Variants in UGT1A3 observed in about 807,000 individuals in gnomAD.
UGT1A3 encodes UDP glucuronosyltransferase family 1 member A3.
Under a neutral mutation model 41.0 loss-of-function variants are expected in UGT1A3, and 31 were observed. The observed-to-expected ratio is 0.76, with a 90% CI of 0.57 to 1.02. The LOEUF (loss-of-function observed/expected upper bound fraction) is 1.02. Ranked by LOEUF, UGT1A3 falls within the 50% of genes least tolerant of loss-of-function variation. The pLI is 0.00. For synonymous variants in UGT1A3, 262 were observed against 257.6 expected, an observed-to-expected ratio of 1.02 and a Z score of -0.17; for missense variants, 737 against 671.0, an observed-to-expected ratio of 1.10 and a Z score of -1.09.
intron 2 of UGT1A3, 82 bp from the exon 3 acceptor site, chr2:233,767,765 CCT>C (rs1699477727): frequency 9.3e-6 from 15 of 1,608,904 alleles, no homozygotes; most frequent in Admixed American, 1.7e-5. Context: ...TCAGAGGACC[CCT>C]GTTTTCTAGT....
chr2:233,730,859 C>T (rs532557812), intron 1 of UGT1A3, among the ~76,000 whole-genome samples: 75 of 152,214 alleles, frequency 4.9e-4, no homozygotes, highest in African/African-American at 1.5e-3. Context: ...CCAAACCCAC[C>T]CTACTGCACT....
At chr2:233,768,744 G>A (rs903121977) in intron 4 of UGT1A3, among the ~76,000 whole-genome samples, 12 of 151,626 alleles carry the variant, frequency 7.9e-5, no homozygotes, top group African/African-American at 2.4e-4. Context: ...CACCACGCCC[G>A]GTTAATTTTT....
intron 1 of UGT1A3, chr2:233,743,865 C>T (rs988813505): frequency 2.0e-5 from 27 of 1,367,074 alleles, no homozygotes; most frequent in Non-Finnish European, 2.5e-5. Flanking sequence ...TTCTTGATGG[C>T]CTCGGATGAG....
rs774438667 is a variant in UGT1A3 at position 233,767,136 on chromosome 2, G to T, written c.970G>T (p.Ala324Ser). 3.1e-6 allele frequency: 5 copies of T among 1,614,110 alleles called. No individual in the cohort carries two copies. Among genetic ancestry groups the T allele is most frequent in the Admixed American group, 1.7e-5 (1 of 60,022 alleles). The stretch of plus-strand genomic sequence containing the variant: ...TCCAGAGAAGAAAGCTATGGCAATT[G>T]CTGATGCTTTGGGCAAAATCCCTCA... The part of the protein sequence containing the change: ...EIPEKKAMAI[A>S]DALGKIPQTV... Residue 324 changes from alanine to serine, a missense_variant, in exon 2 of 5, where the codon GCT (alanine) becomes TCT (serine). By Grantham distance (99) the Ala-to-Ser change is moderately conservative. Coordinates refer to ENST00000482026, the MANE Select transcript of UGT1A3 (RefSeq NM_019093.4).
chr2:233,730,105 C>G, intron 1 of UGT1A3, 112 bp downstream of exon 1: 1 of 1,574,650 alleles, frequency 6.4e-7, no homozygotes, highest in Non-Finnish European at 8.6e-7. Context: ...TATTTCATTT[C>G]TGCTTCTCCT....
chr2:233,743,634 C>G lies in UGT1A3; in HGVS notation c.867+13641C>G, dbSNP rs776464072. On this transcript the variant is annotated intron_variant, in intron 1 of 4. Coordinates refer to ENST00000482026, the MANE Select transcript of UGT1A3 (RefSeq NM_019093.4). ...AACTCCCTGAAGACGTCGGCTGGGT[C>G]GCGGAAGCTGAAGACGTACTCGAAG... is the stretch of plus-strand genomic sequence containing the variant. 14 of 1,367,180 alleles carry G rather than the reference C, an allele frequency of 1.0e-5. No individual in the cohort carries two copies. In the South Asian group the frequency reaches 1.5e-4, roughly 14 times the overall value. 84.7% of individuals were successfully genotyped at this position (1,367,180 alleles called of 1,614,324 possible).
chr2:233,747,487 T>A lies in UGT1A3; in HGVS notation c.867+17494T>A, dbSNP rs547060406. 1.9e-5 allele frequency: 31 copies of A among 1,608,702 alleles called. 1 individual carries two copies. In the South Asian group the frequency reaches 2.7e-4, roughly 14 times the overall value. On this transcript the variant is annotated intron_variant, in intron 1 of 4. Transcript: ENST00000482026. ...TGGACCCAGGATGAATTTGATCGCC[T>A]TGTGCTGGGCCACACTCAACTGTAC...
chr2:233,743,932 C>T (rs927230635), intron 1 of UGT1A3: 9 of 1,358,952 alleles, frequency 6.6e-6, no homozygotes, highest in African/African-American at 5.9e-5. Flanking sequence ...ATGGCCAGAA[C>T]GGCCCACCAG....
chr2:233,758,786 G>T (rs1696976610), intron 1 of UGT1A3, among the ~76,000 whole-genome samples: 1 of 152,212 alleles, frequency 6.6e-6, no homozygotes, highest in Admixed American at 6.5e-5. Context: ...GATCTGTGCA[G>T]TTATCTTGGA....
intron 1 of UGT1A3, chr2:233,761,003 A>G: frequency 6.2e-7 from 1 of 1,614,128 alleles, no homozygotes. Context: ...GAATTCCTTC[A>G]GAGAGAGGTG....
At chr2:233,747,527 T>G (rs1237082221) in intron 1 of UGT1A3, 2 of 1,605,936 alleles carry the variant, frequency 1.2e-6, no homozygotes, top group African/African-American at 1.3e-5. Context: ...AAACAGAACA[T>G]TTTCTGAAGA....
chr2:233,733,677 AC>A, intron 1 of UGT1A3, among the ~76,000 whole-genome samples: 1 of 152,244 alleles, frequency 6.6e-6, no homozygotes, highest in South Asian at 2.1e-4. Context: ...ATGTGGATAA[AC>A]TTTTTGATGT....
Position 233,768,283 on chromosome 2 carries a change from G to T in UGT1A3, c.1151G>T (p.Cys384Phe). 6.2e-7 allele frequency: 1 copy of T among 1,614,180 alleles called. No homozygotes were observed. The change falls in exon 4 of 5, where the codon TGC becomes TTC. Residue 384 changes from cysteine (C) to phenylalanine (F), a missense_variant. Transcript: ENST00000482026. ...TCCCATGGTGTTTATGAAAGCATAT[G>T]CAATGGCGTTCCCATGGTGATGATG... Reference protein sequence around the residue: ...AGSHGVYESICNGVPMVMMPL... With the variant: ...AGSHGVYESIFNGVPMVMMPL...
chr2:233,761,181 G>T (rs539737168), intron 1 of UGT1A3: 1 of 1,614,126 alleles, frequency 6.2e-7, no homozygotes, highest in Non-Finnish European at 8.5e-7. Flanking sequence ...TTTTACATGC[G>T]TATATTCTTT....
intron 1 of UGT1A3, among the ~76,000 whole-genome samples, chr2:233,758,729 C>T (rs1001839617): frequency 6.6e-6 from 1 of 152,208 alleles, no homozygotes; most frequent in African/African-American, 2.4e-5. Context: ...CCTCTAAGCA[C>T]ATCCCCAAGT....
At chr2:233,765,999 C>G (rs1036845415) in intron 1 of UGT1A3, among the ~76,000 whole-genome samples, 1 of 151,990 alleles carries the variant, frequency 6.6e-6, no homozygotes, top group Non-Finnish European at 1.5e-5. Flanking sequence ...CTCCAGTGGG[C>G]GTGGGTTATG....
chr2:233,760,243 T>TAC (rs1697369137), intron 1 of UGT1A3: 1 of 1,608,014 alleles, frequency 6.2e-7, no homozygotes, highest in African/African-American at 1.3e-5. Flanking sequence ...CATATATATA[T>TAC]ATATAAGTAG....
At position 233,729,298 on chromosome 2, in the gene UGT1A3, G is replaced by A. The variant is rs140541315; in HGVS notation, c.172G>A (p.Ala58Thr). Residue 58 changes from alanine (A) to threonine (T), a missense_variant, in exon 1 of 5, where the codon GCA (alanine) becomes ACA (threonine). By Grantham distance (58) the Ala-to-Thr change is moderately conservative. Transcript: ENST00000482026. Reference protein sequence around the residue: ...LRELHARGHQAVVLTPEVNMH... With the variant: ...LRELHARGHQTVVLTPEVNMH... ...GGAGCTCCATGCCAGAGGCCACCAG[G>A]CAGTGGTCCTCACCCCAGAGGTGAA... 186 of 1,614,254 alleles carry A rather than the reference G, an allele frequency of 1.2e-4. No individual in the cohort carries two copies. In the African/African-American group the frequency reaches 1.9e-3, roughly 17 times the overall value.
chr2:233,765,443 C>A (rs1381375490), intron 1 of UGT1A3, among the ~76,000 whole-genome samples: 1 of 152,114 alleles, frequency 6.6e-6, no homozygotes, highest in Non-Finnish European at 1.5e-5. Flanking sequence ...GGAATGAGAT[C>A]ATATTCTTTG....
Sources: gnomAD v4.1 joint callset for allele counts (sites outside exome capture counted in the v4.1 genomes callset) on GRCh38, gnomAD v4.1.1 for gene constraint, MANE v1.5 for transcripts, NCBI Gene and HGNC (gene_info 2026-07-23, HGNC 2026-07-21) for gene names.